GDPD5: variants seen among roughly 807,000 people sequenced by gnomAD.
GDPD5 encodes glycerophosphodiester phosphodiesterase domain containing 5, also known as glycerophosphodiester phosphodiesterase 2.
GDPD5 carries 48 observed loss-of-function variants against 75.1 expected under a neutral mutation model. That is an observed-to-expected ratio of 0.64 (90% CI 0.51 to 0.81). The LOEUF (loss-of-function observed/expected upper bound fraction) is 0.81. Among genes scored for constraint, GDPD5 ranks in the 40% least tolerant of loss-of-function variants. GDPD5 has a pLI of 0.00. For missense variants in GDPD5, 706 were observed against 822.6 expected, an observed-to-expected ratio of 0.86 and a Z score of 1.73; for synonymous variants, 336 against 339.0, an observed-to-expected ratio of 0.99 and a Z score of 0.10.
chr11:75,436,483 C>G (rs1356740011), intron 16 of GDPD5, among the ~76,000 whole-genome samples: 1 of 140,794 alleles, frequency 7.1e-6, no homozygotes, highest in African/African-American at 2.5e-5. Flanking sequence ...GCCCCCCGCC[C>G]GGCACTCCCA....
At chr11:75,452,653 A>AG (rs1287855449) in intron 6 of GDPD5, among the ~76,000 whole-genome samples, 1 of 152,208 alleles carries the variant, frequency 6.6e-6, no homozygotes, top group African/African-American at 2.4e-5. Context: ...GGAGGGACAG[A>AG]GGCTGGACAC....
chr11:75,447,641 G>C (rs763615695), intron 9 of GDPD5, among the ~76,000 whole-genome samples: 7 of 152,074 alleles, frequency 4.6e-5, no homozygotes, highest in Non-Finnish European at 8.8e-5. Context: ...AACCATCCTC[G>C]CTGGGGCCAC....
At chr11:75,475,046 A>C (rs1949749745) in intron 3 of GDPD5, among the ~76,000 whole-genome samples, 1 of 152,250 alleles carries the variant, frequency 6.6e-6, no homozygotes, top group Non-Finnish European at 1.5e-5. Flanking sequence ...GCCCATGGAG[A>C]TGTTACAACA....
intron 14 of GDPD5, among the ~76,000 whole-genome samples, chr11:75,440,204 G>A (rs1948749749): frequency 6.6e-6 from 1 of 152,158 alleles, no homozygotes; most frequent in Non-Finnish European, 1.5e-5. Flanking sequence ...GGACTGTATG[G>A]TGCTCAGGGC....
At chr11:75,510,858 C>T (rs72989923) in intron 1 of GDPD5, among the ~76,000 whole-genome samples, 1 of 152,184 alleles carries the variant, frequency 6.6e-6, no homozygotes, top group Non-Finnish European at 1.5e-5. Flanking sequence ...TCACTCTCTG[C>T]CCCTCAGGAC....
chr11:75,473,399 G>C (rs1167150232), intron 3 of GDPD5, among the ~76,000 whole-genome samples: 1 of 151,984 alleles, frequency 6.6e-6, no homozygotes, highest in Non-Finnish European at 1.5e-5. Context: ...GGGAGGATGG[G>C]ATTCACTGTC....
intron 2 of GDPD5, among the ~76,000 whole-genome samples, chr11:75,479,839 G>T (rs576119866): frequency 6.6e-6 from 1 of 152,080 alleles, no homozygotes; most frequent in African/African-American, 2.4e-5. Context: ...TCTTTCACGT[G>T]GCATAATGTT....
In GDPD5 at chr11:75,436,103, C is replaced by CCCTGGCCATA. The variant is rs563549566; in HGVS notation, c.1670-458_1670-449dup. ...CAACTCCAGACCCTGCTTCCTTCTG[C>CCCTGGCCATA]CCTGGCCATATTCTGTATGGTTGCT... On this transcript the variant is annotated intron_variant, in intron 16 of 16. Coordinates refer to ENST00000336898, the MANE Select transcript of GDPD5 (RefSeq NM_030792.8). 1.4e-3 allele frequency among the ~76,000 whole-genome samples: 206 copies of CCCTGGCCATA among 152,296 alleles called. 1 individual carries two copies. The highest frequency in any genetic ancestry group is 4.8e-3 in the African/African-American group (199 of 41,566).
At chr11:75,444,601 A>C in intron 9 of GDPD5, 106 bp from the exon 10 acceptor site, 2 of 824,468 alleles carry the variant, frequency 2.4e-6, no homozygotes, top group Non-Finnish European at 4.1e-6. Context: ...GCCTGGTTCT[A>C]ATTCTGGCCC....
intron 10 of GDPD5, 118 bp downstream of exon 10, chr11:75,444,293 TAA>T (rs1001523324): frequency 2.4e-5 from 18 of 737,280 alleles, no homozygotes; most frequent in Non-Finnish European, 3.2e-5. Context: ...GTGGATAATC[TAA>T]GTCTTCCTCC....
rs764635820 is a variant in GDPD5, at chr11:75,435,481, T to C, written c.*26A>G. The C allele has an allele frequency of 6.4e-7, 1 of 1,561,756 alleles. No individual in the cohort carries two copies. The highest frequency in any genetic ancestry group is 8.7e-7 in the Non-Finnish European group (1 of 1,153,110). ...TAGGCTCCCCAGCTTCTGTGTCAGG[T>C]ACAGGTGGGACAGACATGTCTTCAG... On this transcript the variant is annotated 3_prime_UTR_variant, in exon 17 of 17. Transcript: ENST00000336898.
chr11:75,520,166 A>C (rs1414784528), intron 1 of GDPD5, among the ~76,000 whole-genome samples: 5 of 152,286 alleles, frequency 3.3e-5, no homozygotes, highest in African/African-American at 1.2e-4. Flanking sequence ...CCTCCCTGCC[A>C]TCTGGCACGC....
intron 1 of GDPD5, among the ~76,000 whole-genome samples, chr11:75,492,637 T>G (rs1174297989): frequency 6.6e-6 from 1 of 152,224 alleles, no homozygotes; most frequent in Non-Finnish European, 1.5e-5. Context: ...ATCAGTACCC[T>G]CTCTGATCCT....
chr11:75,487,002 T>C (rs1483806299), intron 2 of GDPD5, among the ~76,000 whole-genome samples: 1 of 151,930 alleles, frequency 6.6e-6, no homozygotes, highest in Admixed American at 6.5e-5. Context: ...ACAAAACAAC[T>C]AAACCCAAAC....
chr11:75,435,710 T>C, intron 16 of GDPD5, 55 bp from the exon 17 acceptor site: 1 of 1,537,792 alleles, frequency 6.5e-7, no homozygotes, highest in Non-Finnish European at 8.8e-7. Flanking sequence ...GTCGTGAGGA[T>C]GGGTGACAGA....
At chr11:75,494,047 T>C (rs1042067987) in intron 1 of GDPD5, among the ~76,000 whole-genome samples, 1 of 152,202 alleles carries the variant, frequency 6.6e-6, no homozygotes, top group Admixed American at 6.5e-5. Context: ...TTTCAAAAAT[T>C]TAATTAATAT....
chr11:75,489,181 C>CA (rs34865793), intron 2 of GDPD5, among the ~76,000 whole-genome samples: 89,177 of 151,692 alleles, frequency 0.59, 27,132 homozygotes, highest in East Asian at 0.76. Flanking sequence ...AAAAAAATTA[C>CA]AAAAAAAAGA....
chr11:75,522,933 G>A (rs565106909), intron 1 of GDPD5, among the ~76,000 whole-genome samples: 24 of 152,184 alleles, frequency 1.6e-4, no homozygotes, highest in African/African-American at 5.8e-4. Context: ...TCCCCAAGCA[G>A]ACTGATTCTA....
chr11:75,465,603 C>T (rs562733064), intron 3 of GDPD5, among the ~76,000 whole-genome samples: 2 of 152,204 alleles, frequency 1.3e-5, no homozygotes, highest in East Asian at 1.9e-4. Flanking sequence ...TTCTCCTACC[C>T]TGGCATGAGT....
Sources: gnomAD v4.1 joint callset for allele counts (sites outside exome capture counted in the v4.1 genomes callset) on GRCh38, gnomAD v4.1.1 for gene constraint, MANE v1.5 for transcripts, NCBI Gene and HGNC (gene_info 2026-07-23, HGNC 2026-07-21) for gene names.